Variants in CERS4 observed in about 807,000 individuals in gnomAD.
CERS4 encodes the protein ceramide synthase 4.
In CERS4, 65 loss-of-function variants were observed where a neutral mutation model predicts 51.8. The observed-to-expected ratio is 1.26, with a 90% CI of 1.03 to 1.54. The LOEUF (loss-of-function observed/expected upper bound fraction) is 1.54. CERS4 is among the 40% of genes most tolerant of loss of function. The probability of loss-of-function intolerance (pLI) is 0.00; values close to 1 mark genes in which losing one functional copy is unlikely to be tolerated. For synonymous variants in CERS4, 228 were observed against 208.4 expected (o/e 1.09, Z -0.81); for missense variants, 563 against 500.4 (o/e 1.13, Z -1.19).
intron 2 of CERS4, among the ~76,000 whole-genome samples, chr19:8,220,864 C>G (rs1196098871): frequency 6.6e-6 from 1 of 151,820 alleles, no homozygotes; most frequent in Non-Finnish European, 1.5e-5. Context: ...CTCTGTCACC[C>G]GGGCTGGAGT....
chr19:8,260,327 T>C (rs978724260), intron 10 of CERS4, among the ~76,000 whole-genome samples: 5 of 151,272 alleles, frequency 3.3e-5, no homozygotes, highest in African/African-American at 1.2e-4. Context: ...CCTGAGTAGC[T>C]GGAATTATAG....
Position 8,251,276 on chromosome 19 carries a change from T to C in CERS4, c.173+27T>C, listed in dbSNP as rs769068266. ...TGAGTGTCTGCCCTGCCGCAATCCA[T>C]TGCCCCCGCAGTCGCTCCAGTATGT... is the stretch of plus-strand genomic sequence containing the variant. On this transcript the variant is annotated intron_variant, in intron 3 of 11. Coordinates refer to ENST00000251363, the MANE Select transcript of CERS4 (RefSeq NM_024552.3). The C allele has an allele frequency of 3.2e-6, 5 of 1,554,762 alleles. No homozygotes were observed. The South Asian group carries it at 4.9e-5, about 15-fold the overall frequency.
At chr19:8,213,233 A>C (rs1328999603) in intron 2 of CERS4, among the ~76,000 whole-genome samples, 1 of 151,878 alleles carries the variant, frequency 6.6e-6, no homozygotes, top group African/African-American at 2.4e-5. Context: ...CCAGTTGCCC[A>C]GGCTGGTCTG....
At chr19:8,215,509 G>A (rs944398936) in intron 2 of CERS4, among the ~76,000 whole-genome samples, 2 of 151,720 alleles carry the variant, frequency 1.3e-5, no homozygotes, top group Non-Finnish European at 2.9e-5. Flanking sequence ...CAAGCAGCGG[G>A]TGTGTCTGGG....
At chr19:8,235,419 CT>C (rs573130698) in intron 2 of CERS4, among the ~76,000 whole-genome samples, 1 of 150,804 alleles carries the variant, frequency 6.6e-6, no homozygotes, top group African/African-American at 2.4e-5. Flanking sequence ...CATCTTTTTG[CT>C]TTTTTTTCCC....
At chr19:8,228,050 C>T (rs1967858209) in intron 2 of CERS4, among the ~76,000 whole-genome samples, 1 of 151,984 alleles carries the variant, frequency 6.6e-6, no homozygotes, top group Admixed American at 6.6e-5. Context: ...TTAGTAGAGA[C>T]GGGGTTTCAC....
intron 2 of CERS4, among the ~76,000 whole-genome samples, chr19:8,232,085 C>T (rs929602966): frequency 6.6e-6 from 1 of 151,828 alleles, no homozygotes; most frequent in Non-Finnish European, 1.5e-5. Flanking sequence ...CCACCTCAGC[C>T]TCCCGAAGCA....
intron 2 of CERS4, among the ~76,000 whole-genome samples, chr19:8,248,329 G>A (rs545846846): frequency 1.3e-5 from 2 of 152,208 alleles, no homozygotes; most frequent in African/African-American, 2.4e-5. Flanking sequence ...ACAGACAGAC[G>A]GATAGATGCA....
At chr19:8,261,892 T>C in intron 11 of CERS4, 38 bp from the exon 12 acceptor site, 1 of 1,612,648 alleles carries the variant, frequency 6.2e-7, no homozygotes, top group Non-Finnish European at 8.5e-7. Flanking sequence ...TCCTCCTTCC[T>C]CCCTGCTCTG....
At chr19:8,251,928 A>C in intron 3 of CERS4, among the ~76,000 whole-genome samples, 1 of 151,270 alleles carries the variant, frequency 6.6e-6, no homozygotes, top group Non-Finnish European at 1.5e-5. Flanking sequence ...CTTAAAAAAA[A>C]TTTTTTTTTG....
chr19:8,226,697 A>G (rs1193517096), intron 2 of CERS4, among the ~76,000 whole-genome samples: 2 of 152,114 alleles, frequency 1.3e-5, no homozygotes, highest in East Asian at 3.9e-4. Context: ...CTTGAGCAAA[A>G]GAGTTCAAGA....
intron 6 of CERS4, 151 bp downstream of exon 6, chr19:8,256,030 T>G: frequency 1.0e-6 from 1 of 970,814 alleles, no homozygotes. Context: ...GAATGTTCAC[T>G]CAACAGGTAT....
At position 8,261,894 on chromosome 19, in the gene CERS4, C is replaced by G. The variant is rs187653636; in HGVS notation, c.1006-36C>G. The stretch of plus-strand genomic sequence containing the variant: ...CCCAGCCCTAAGCTCCTCCTTCCTC[C>G]CTGCTCTGAGCTCCATCCCTCTCTC... On this transcript the variant is annotated intron_variant, in intron 11 of 11. Coordinates refer to ENST00000251363, the MANE Select transcript of CERS4 (RefSeq NM_024552.3). 1.5e-4 allele frequency: 248 copies of G among 1,612,846 alleles called. 1 individual carries two copies. In the African/African-American group the frequency reaches 2.5e-3, roughly 16 times the overall value.
intron 4 of CERS4, 132 bp from the exon 5 acceptor site, chr19:8,255,475 A>G (rs1313791941): frequency 1.3e-6 from 1 of 791,858 alleles, no homozygotes; most frequent in Admixed American, 2.4e-5. Flanking sequence ...CTGCCCCTCC[A>G]TATAGACATG....
chr19:8,257,972 C>T lies in CERS4; in HGVS notation c.835C>T (p.Leu279Phe), dbSNP rs138394312. 3.5e-4 allele frequency: 572 copies of T among 1,613,804 alleles called. 1 individual carries two copies. The highest frequency in any genetic ancestry group is 5.5e-4 in the Admixed American group (33 of 60,010). The part of the protein sequence containing the change: ...SFVFFYTRLV[L>F]FPTQILYTTY... ...TGTCTTCTTCTACACCCGACTGGTC[C>T]TCTTTCCCACCCAGTGAGTCAGCCC... The change falls in exon 10 of 12, where the codon CTC becomes TTC. Residue 279 changes from leucine (L) to phenylalanine (F), a missense_variant. Transcript: ENST00000251363.
chr19:8,250,982 G>T, intron 2 of CERS4, 94 bp from the exon 3 acceptor site: 1 of 1,490,326 alleles, frequency 6.7e-7, no homozygotes, highest in Non-Finnish European at 8.9e-7. Flanking sequence ...ATAGGGGCCC[G>T]AGTAGGAGTT....
chr19:8,237,251 T>C (rs768325948), intron 2 of CERS4, among the ~76,000 whole-genome samples: 4 of 151,698 alleles, frequency 2.6e-5, no homozygotes, highest in Non-Finnish European at 4.4e-5. Context: ...TGTGTACATA[T>C]GTCAAAATGT....
chr19:8,252,237 G>C (rs1231113555), intron 3 of CERS4, among the ~76,000 whole-genome samples: 2 of 151,878 alleles, frequency 1.3e-5, no homozygotes, highest in African/African-American at 4.8e-5. Flanking sequence ...GGGTGTGGTG[G>C]CACATGCCTG....
chr19:8,213,867 G>A (rs1017784454), intron 2 of CERS4, among the ~76,000 whole-genome samples: 8 of 152,166 alleles, frequency 5.3e-5, no homozygotes, highest in African/African-American at 1.9e-4. Context: ...TTGGGAGGTT[G>A]AGACAGGAGA....
Sources: gnomAD v4.1 joint callset for allele counts (sites outside exome capture counted in the v4.1 genomes callset) on GRCh38, gnomAD v4.1.1 for gene constraint, MANE v1.5 for transcripts, NCBI Gene and HGNC (gene_info 2026-07-23, HGNC 2026-07-21) for gene names.